Variants in MICAL2 observed in about 807,000 individuals in gnomAD.
The protein encoded by MICAL2 is microtubule associated monooxygenase, calponin and LIM domain containing 2.
MICAL2 carries 77 observed loss-of-function variants against 127.3 expected under a neutral mutation model. The ratio of observed to expected loss-of-function variants is 0.60; its 90% CI spans 0.50 to 0.73. The LOEUF (loss-of-function observed/expected upper bound fraction) is 0.73, where lower values mean the gene tolerates loss of function less well. Among genes scored for constraint, MICAL2 ranks in the 30% least tolerant of loss-of-function variants. The probability of loss-of-function intolerance (pLI) is 0.00; values close to 1 mark genes in which losing one functional copy is unlikely to be tolerated. For missense variants in MICAL2, 1,351 were observed against 1,434.4 expected (o/e 0.94, Z 0.94); for synonymous variants, 570 against 551.1 (o/e 1.03, Z -0.48).
intron 2 of MICAL2, among the ~76,000 whole-genome samples, chr11:12,149,465 G>A (rs1853335147): frequency 6.6e-6 from 1 of 152,146 alleles, no homozygotes. Context: ...ATTGGAGGGA[G>A]GTGAATCTGG....
intron 1 of MICAL2, among the ~76,000 whole-genome samples, chr11:12,124,281 A>G (rs1850736615): frequency 6.6e-6 from 1 of 152,130 alleles, no homozygotes; most frequent in African/African-American, 2.4e-5. Flanking sequence ...ACACTCCTGG[A>G]GACCTCCCCT....
chr11:12,146,284 C>T (rs1254008128), intron 2 of MICAL2, among the ~76,000 whole-genome samples: 1 of 152,192 alleles, frequency 6.6e-6, no homozygotes, highest in Non-Finnish European at 1.5e-5. Context: ...AGGCAACCTA[C>T]AGAATGGGAG....
chr11:12,163,394 G>A (rs1178576744), intron 3 of MICAL2, among the ~76,000 whole-genome samples: 1 of 152,184 alleles, frequency 6.6e-6, no homozygotes, highest in African/African-American at 2.4e-5. Context: ...ATTCCAGCCG[G>A]TGCCAATCCC....
intron 26 of MICAL2, chr11:12,262,198 G>A (rs1863215639): frequency 7.6e-7 from 1 of 1,319,756 alleles, no homozygotes. Context: ...ATTCAAGAAT[G>A]AATGGGAGAC....
At chr11:12,306,004 A>C (rs1296137181) in intron 29 of MICAL2, among the ~76,000 whole-genome samples, 1 of 152,214 alleles carries the variant, frequency 6.6e-6, no homozygotes, top group African/African-American at 2.4e-5. Context: ...TACATTTTAC[A>C]GTATTGTTGA....
intron 3 of MICAL2, among the ~76,000 whole-genome samples, chr11:12,172,223 G>T (rs1856356338): frequency 6.6e-6 from 1 of 152,170 alleles, no homozygotes; most frequent in South Asian, 2.1e-4. Context: ...CAGAAACTCT[G>T]CTAAAATGTA....
At position 12,208,585 on chromosome 11, in the gene MICAL2, TA is replaced by T. The variant is rs1378281993; in HGVS notation, c.589+447del. On this transcript the variant is annotated intron_variant, in intron 5 of 27. Coordinates refer to ENST00000683283, the MANE Select transcript of MICAL2 (RefSeq NM_001282663.2). Reference sequence around the variant, plus strand: ...AACTGTGAAATAAGGTTCAAGATGTTATTTGGTATATAATACTCTTAACCAT... The same window carrying T: ...AACTGTGAAATAAGGTTCAAGATGTTTTTGGTATATAATACTCTTAACCAT... Among the ~76,000 whole-genome samples the T allele has an allele frequency of 9.2e-5, 14 of 152,350 alleles. No individual in the cohort carries two copies. In the East Asian group the frequency reaches 2.7e-3, roughly 29 times the overall value.
At chr11:12,274,040 G>A (rs942251761), upstream of MICAL2, among the ~76,000 whole-genome samples, 7 of 152,130 alleles carry the variant, frequency 4.6e-5, no homozygotes, top group African/African-American at 1.4e-4. Context: ...CTGGGGGTGA[G>A]GACTGGGATT....
chr11:12,244,543 T>C (rs972834112), intron 21 of MICAL2, among the ~76,000 whole-genome samples: 1 of 152,230 alleles, frequency 6.6e-6, no homozygotes, highest in African/African-American at 2.4e-5. Context: ...TTTCACATGA[T>C]AAACTTAACG....
At chr11:12,202,594 G>T (rs1385926148) in intron 3 of MICAL2, among the ~76,000 whole-genome samples, 1 of 152,144 alleles carries the variant, frequency 6.6e-6, no homozygotes, top group African/African-American at 2.4e-5. Flanking sequence ...CAACCTACCA[G>T]GCAGGATTAG....
chr11:12,314,645 A>ATTTTTTTTTTTTT, intron 29 of MICAL2, among the ~76,000 whole-genome samples: 1 of 123,052 alleles, frequency 8.1e-6, no homozygotes, highest in Non-Finnish European at 1.6e-5. Context: ...TGCCCAGCTA[A>ATTTTTTTTTTTTT]TTTTTTTTTT....
At chr11:12,117,839 A>G (rs370552009) in intron 1 of MICAL2, among the ~76,000 whole-genome samples, 15 of 152,330 alleles carry the variant, frequency 9.8e-5, no homozygotes, top group African/African-American at 3.6e-4. Flanking sequence ...TTGTCTGATG[A>G]CTAAATGAAA....
chr11:12,248,678 C>T (rs546092989), intron 21 of MICAL2, among the ~76,000 whole-genome samples: 3 of 146,026 alleles, frequency 2.1e-5, no homozygotes, highest in African/African-American at 7.6e-5. Context: ...AGGGTTTACT[C>T]GAGAGATTTG....
chr11:12,261,084 C>G (rs1863053324), intron 26 of MICAL2: 1 of 985,400 alleles, frequency 1.0e-6, no homozygotes, highest in Non-Finnish European at 1.2e-6. Flanking sequence ...CCATATTGGT[C>G]AGGCCAAGTG....
intron 33 of MICAL2, among the ~76,000 whole-genome samples, chr11:12,352,492 G>A (rs962246540): frequency 1.3e-5 from 2 of 152,226 alleles, no homozygotes; most frequent in African/African-American, 2.4e-5. Flanking sequence ...AGCTTCCCCG[G>A]TCAACGCACT....
At chr11:12,294,738 G>A (rs201152752), downstream of MICAL2, 7 of 1,613,390 alleles carry the variant, frequency 4.3e-6, no homozygotes, top group South Asian at 5.5e-5. Flanking sequence ...CCTGAAGATA[G>A]TGCGCAGGCC....
intron 22 of MICAL2, among the ~76,000 whole-genome samples, chr11:12,250,921 C>T (rs1861448425): frequency 6.6e-6 from 1 of 152,188 alleles, no homozygotes; most frequent in Non-Finnish European, 1.5e-5. Flanking sequence ...GGCTCTAACC[C>T]TGAGGTCCAC....
At chr11:12,315,050 T>A (rs1053674824) in intron 29 of MICAL2, among the ~76,000 whole-genome samples, 1 of 152,212 alleles carries the variant, frequency 6.6e-6, no homozygotes, top group East Asian at 1.9e-4. Context: ...AGGATAATTC[T>A]GCCAGGTTTT....
intron 3 of MICAL2, among the ~76,000 whole-genome samples, chr11:12,182,757 AC>A (rs1857637695): frequency 6.6e-6 from 1 of 151,970 alleles, no homozygotes; most frequent in Non-Finnish European, 1.5e-5. Context: ...AGACGTTCAG[AC>A]CCTTTCTGAC....
Sources: gnomAD v4.1 joint callset for allele counts (sites outside exome capture counted in the v4.1 genomes callset) on GRCh38, gnomAD v4.1.1 for gene constraint, MANE v1.5 for transcripts, NCBI Gene and HGNC (gene_info 2026-07-23, HGNC 2026-07-21) for gene names.